The following GNPAT variants were observed in gnomAD, a reference collection of about 807,000 sequenced individuals.
GNPAT encodes dihydroxyacetone phosphate acyltransferase.
A neutral mutation model predicts 78.4 loss-of-function variants in GNPAT; 30 were observed. The ratio of observed to expected loss-of-function variants is 0.38; its 90% CI spans 0.29 to 0.52. The LOEUF (loss-of-function observed/expected upper bound fraction) is 0.52, where lower values mean the gene tolerates loss of function less well. Among genes scored for constraint, GNPAT ranks in the 20% least tolerant of loss-of-function variants. The pLI is 0.84. For synonymous variants in GNPAT, 271 were observed against 281.1 expected (o/e 0.96, Z 0.36); for missense variants, 714 against 812.2 (o/e 0.88, Z 1.47).
intron 12 of GNPAT, chr1:231,274,952 ATTAAC>A: frequency 2.6e-6 from 1 of 382,784 alleles, no homozygotes; most frequent in Non-Finnish European, 4.9e-6. Context: ...GCTGATGGTA[ATTAAC>A]TTGTACCCCT....
intron 5 of GNPAT, 79 bp from the exon 6 acceptor site, chr1:231,265,633 G>C: frequency 1.0e-6 from 1 of 974,186 alleles, no homozygotes. Flanking sequence ...AGGGAGCTTG[G>C]GAAAAGGAAT....
chr1:231,264,407 C>A (rs1685316016), intron 4 of GNPAT, among the ~76,000 whole-genome samples: 1 of 152,078 alleles, frequency 6.6e-6, no homozygotes, highest in African/African-American at 2.4e-5. Context: ...TATATTGGTG[C>A]TTTTATTCCT....
intron 11 of GNPAT, among the ~76,000 whole-genome samples, chr1:231,273,248 CTTTTTTTT>C (rs574185259): frequency 8.1e-6 from 1 of 122,716 alleles, no homozygotes; most frequent in African/African-American, 3.2e-5. Context: ...GTGTTGGAAA[CTTTTTTTT>C]TTTTTTTTTT....
intron 14 of GNPAT, 58 bp downstream of exon 14, chr1:231,275,556 G>C: frequency 1.0e-6 from 1 of 973,238 alleles, no homozygotes; most frequent in Non-Finnish European, 1.7e-6. Flanking sequence ...AATGACATTT[G>C]AGCTCAAAAT....
intron 2 of GNPAT, among the ~76,000 whole-genome samples, chr1:231,257,118 T>G (rs1685088636): frequency 6.6e-6 from 1 of 152,224 alleles, no homozygotes; most frequent in East Asian, 1.9e-4. Flanking sequence ...TCTGCTCTGC[T>G]GCAGTCACGG....
chr1:231,260,936 C>G (rs188176383), intron 3 of GNPAT, among the ~76,000 whole-genome samples: 1 of 152,212 alleles, frequency 6.6e-6, no homozygotes, highest in East Asian at 1.9e-4. Flanking sequence ...CTAACTTAGT[C>G]AAGTAAGACT....
At chr1:231,249,912 T>C (rs1260538156) in intron 1 of GNPAT, among the ~76,000 whole-genome samples, 2 of 151,920 alleles carry the variant, frequency 1.3e-5, no homozygotes, top group African/African-American at 4.8e-5. Flanking sequence ...CAGGGGCTGG[T>C]TGGATAGAAG....
At position 231,275,247 on chromosome 1, in the gene GNPAT, A is replaced by G. The variant is rs1685679547; in HGVS notation, c.1770A>G (p.Glu590=). ...YQIICKYLLS[E]EEDHFSEEQY... is the part of the protein sequence containing the mutation. Reference sequence around the variant, plus strand: ...TAATTTGCAAGTACCTTTTGAGTGAAGAAGAGGACCACTTCAGTGAGGAAC... The same window carrying G: ...TAATTTGCAAGTACCTTTTGAGTGAGGAAGAGGACCACTTCAGTGAGGAAC... Residue 590 remains glutamate, a synonymous_variant, in exon 13 of 16, where the codon GAA becomes GAG. Transcript: ENST00000366647. 1.2e-6 allele frequency: 2 copies of G among 1,609,866 alleles called. No individual in the cohort carries two copies. Among genetic ancestry groups the G allele is most frequent in the Non-Finnish European group, 1.7e-6 (2 of 1,176,066 alleles).
chr1:231,265,546 C>A, intron 5 of GNPAT, 126 bp downstream of exon 5: 2 of 925,106 alleles, frequency 2.2e-6, no homozygotes, highest in Non-Finnish European at 3.6e-6. Context: ...CTGCTTATAA[C>A]CTCAGCAATT....
At chr1:231,266,206 G>A (rs975658709) in intron 7 of GNPAT, 41 bp downstream of exon 7, 1 of 1,612,152 alleles carries the variant, frequency 6.2e-7, no homozygotes, top group Admixed American at 1.7e-5. Context: ...AGAATGTGCT[G>A]ACTGACACAT....
At chr1:231,271,050 C>T (rs765711215) in intron 10 of GNPAT, 50 bp downstream of exon 10, 26 of 1,602,860 alleles carry the variant, frequency 1.6e-5, no homozygotes, top group Non-Finnish European at 2.2e-5. Flanking sequence ...CTGGCCATTC[C>T]ATTCCATTTA....
chr1:231,273,621 A>C (rs1276854866), intron 11 of GNPAT, among the ~76,000 whole-genome samples: 1 of 152,172 alleles, frequency 6.6e-6, no homozygotes, highest in Non-Finnish European at 1.5e-5. Context: ...TATTTAAATT[A>C]AGGAGTGGTT....
At chr1:231,243,538 G>A (rs951002904) in intron 1 of GNPAT, among the ~76,000 whole-genome samples, 7 of 152,120 alleles carry the variant, frequency 4.6e-5, no homozygotes, top group African/African-American at 1.4e-4. Context: ...TGGCCAGGCC[G>A]GTCTTGAACT....
intron 5 of GNPAT, 119 bp downstream of exon 5, chr1:231,265,539 CT>C: frequency 2.1e-6 from 2 of 953,022 alleles, no homozygotes; most frequent in South Asian, 2.6e-5. Flanking sequence ...TCAAGAACTG[CT>C]TATAACCTCA....
intron 12 of GNPAT, chr1:231,274,810 C>T: frequency 3.9e-6 from 1 of 255,722 alleles, no homozygotes; most frequent in Admixed American, 5.2e-5. Context: ...TAGTTCTACC[C>T]TTAATCACTG....
At chr1:231,255,590 TTTTTG>T (rs1168591896) in intron 2 of GNPAT, among the ~76,000 whole-genome samples, 6 of 151,974 alleles carry the variant, frequency 3.9e-5, no homozygotes, top group Admixed American at 3.3e-4. Context: ...TGCCCAGCTT[TTTTTG>T]TTTTGTTTTT....
At position 231,260,509 on chromosome 1, in the gene GNPAT, T is replaced by C. The variant is rs768870931; in HGVS notation, c.264T>C (p.Leu88=). 1 of 1,603,380 alleles carries C rather than the reference T, an allele frequency of 6.2e-7. No individual in the cohort carries two copies. The highest frequency in any genetic ancestry group is 8.5e-7 in the Non-Finnish European group (1 of 1,170,344). Residue 88 remains leucine (L), a splice_region_variant and synonymous_variant, in exon 3 of 16, where the codon CTT becomes CTC. Coordinates refer to ENST00000366647, the MANE Select transcript of GNPAT (RefSeq NM_014236.4). The part of the protein sequence containing the change: ...SEEIHYVIKQ[L]SKESLQSVDV... ...TCCTGCTTTTCCTTTCCTTTTAGCT[T>C]TCCAAGGAATCCCTTCAATCTGTGG...
rs1685390278 is a variant in GNPAT at position 231,266,394 on chromosome 1, A to G, written c.1042A>G (p.Asn348Asp). 3 of 1,614,016 alleles carry G rather than the reference A, an allele frequency of 1.9e-6. No homozygotes were observed. Among genetic ancestry groups the G allele is most frequent in the Non-Finnish European group, 2.5e-6 (3 of 1,179,864 alleles). Residue 348 changes from asparagine to aspartate, a missense_variant, in exon 8 of 16, where the codon AAC (asparagine) becomes GAC (aspartate). Physicochemically the swap from Asn to Asp is conservative, Grantham distance 23. Transcript: ENST00000366647. ...AAGRMSRSSY[N>D]LVPRYIPQKQ... is the part of the protein sequence containing the mutation. ...TGGGAGGATGAGTCGGAGCTCATAT[A>G]ACTTGGTTCCAAGGTGTGACCTGTG... is the stretch of plus-strand genomic sequence containing the variant.
chr1:231,248,146 A>T (rs1486235622), intron 1 of GNPAT, among the ~76,000 whole-genome samples: 2 of 152,222 alleles, frequency 1.3e-5, no homozygotes, highest in Non-Finnish European at 2.9e-5. Flanking sequence ...TTGACTCTCC[A>T]AAAGTTTCAT....
Sources: gnomAD v4.1 joint callset for allele counts (sites outside exome capture counted in the v4.1 genomes callset) on GRCh38, gnomAD v4.1.1 for gene constraint, MANE v1.5 for transcripts, NCBI Gene and HGNC (gene_info 2026-07-23, HGNC 2026-07-21) for gene names.